Variants in AFF3 observed in about 807,000 individuals in gnomAD.
AFF3 encodes the protein ALF transcription elongation factor 3.
Under a neutral mutation model 129.7 loss-of-function variants are expected in AFF3, and 32 were observed. The ratio of observed to expected loss-of-function variants is 0.25; its 90% CI spans 0.19 to 0.33. The LOEUF is 0.33. AFF3 is among the 10% of genes least tolerant of loss of function. The pLI, the probability that AFF3 is intolerant of heterozygous loss-of-function variation, is 1.00. For missense variants in AFF3, 1,373 were observed against 1,592.0 expected (o/e 0.86, Z 2.34); for synonymous variants, 644 against 635.4 (o/e 1.01, Z -0.20).
At chr2:99,881,501 G>GA (rs1692714711) in intron 7 of AFF3, among the ~76,000 whole-genome samples, 1 of 149,436 alleles carries the variant, frequency 6.7e-6, no homozygotes, top group South Asian at 2.1e-4. Context: ...CTCAGTACTT[G>GA]AACACTTTAT....
intron 8 of AFF3, among the ~76,000 whole-genome samples, chr2:99,760,403 T>C (rs1575896444): frequency 1.3e-5 from 2 of 152,308 alleles, no homozygotes; most frequent in South Asian, 4.1e-4. Context: ...TCTGACAAAA[T>C]AATAGTCAGT....
intron 10 of AFF3, among the ~76,000 whole-genome samples, chr2:99,729,841 T>A (rs11888410): frequency 0.015 from 2,310 of 150,456 alleles, 53 homozygotes; most frequent in African/African-American, 0.054. Flanking sequence ...TCATGATGGA[T>A]ATTTCATGAT....
chr2:99,923,421 T>C (rs1346246827), intron 7 of AFF3, among the ~76,000 whole-genome samples: 1 of 152,244 alleles, frequency 6.6e-6, no homozygotes, highest in Admixed American at 6.5e-5. Context: ...AAAAAGGCTC[T>C]GGACTAAAGA....
intron 1 of AFF3, among the ~76,000 whole-genome samples, chr2:100,139,658 G>T (rs1333436651): frequency 6.6e-6 from 1 of 152,166 alleles, no homozygotes; most frequent in Non-Finnish European, 1.5e-5. Context: ...ATTTCACTTT[G>T]AAAGGAGCAT....
intron 12 of AFF3, among the ~76,000 whole-genome samples, chr2:99,653,551 AAC>A (rs1405330827): frequency 6.6e-6 from 1 of 152,234 alleles, no homozygotes; most frequent in African/African-American, 2.4e-5. Context: ...AAAAAGAAGA[AAC>A]ACTGCTGTCT....
chr2:99,890,061 GCTCT>G, intron 7 of AFF3, among the ~76,000 whole-genome samples: 1 of 152,298 alleles, frequency 6.6e-6, no homozygotes, highest in South Asian at 2.1e-4. Context: ...AAATAGGAGG[GCTCT>G]CTGTTTGGTC....
In AFF3 at chr2:100,008,796, A is replaced by G; in HGVS notation, c.174+16T>C. On this transcript the variant is annotated intron_variant, in intron 5 of 24. Coordinates refer to ENST00000672756, the MANE Select transcript of AFF3 (RefSeq NM_001386135.1). The stretch of plus-strand genomic sequence containing the variant: ...AACAAGTGAGAGGTAGAGATGAACA[A>G]CTGAAAACCATCTACCTTGTAGGGC... 6.2e-7 allele frequency: 1 copy of G among 1,612,324 alleles called. No individual in the cohort carries two copies. Among genetic ancestry groups the G allele is most frequent in the Non-Finnish European group, 8.5e-7 (1 of 1,179,222 alleles).
intron 11 of AFF3, among the ~76,000 whole-genome samples, chr2:99,694,885 A>G: frequency 6.6e-6 from 1 of 152,038 alleles, no homozygotes; most frequent in East Asian, 1.9e-4. Flanking sequence ...TTGTATTTTT[A>G]GTAGAGACAG....
intron 23 of AFF3, 42 bp downstream of exon 23, chr2:99,554,641 A>G (rs1009715650): frequency 1.2e-6 from 2 of 1,613,670 alleles, no homozygotes; most frequent in Admixed American, 3.3e-5. Flanking sequence ...AGCACCATGC[A>G]TTGTCTGGCT....
Position 99,732,228 on chromosome 2 carries a change from G to A in AFF3, c.1040-5100C>T, listed in dbSNP as rs867719856. ...AAATTAGCCAGGCGTGGTGGTGGGC[G>A]CCTGTAGTCCTAGCTACTCGGGAGG... On this transcript the variant is annotated intron_variant, in intron 10 of 24. Coordinates refer to ENST00000672756, the MANE Select transcript of AFF3 (RefSeq NM_001386135.1). 9.9e-5 allele frequency among the ~76,000 whole-genome samples: 15 copies of A among 152,044 alleles called. 1 individual carries two copies. The Middle Eastern group carries it at 0.014, about 139-fold the overall frequency.
chr2:99,670,380 A>G (rs1244438424), intron 12 of AFF3, among the ~76,000 whole-genome samples: 2 of 101,644 alleles, frequency 2.0e-5, no homozygotes, highest in African/African-American at 4.7e-5. Context: ...TAATGTCAGA[A>G]AAGGTTAAGG....
In AFF3 at chr2:99,691,106, T is replaced by C. The variant is rs376382948; in HGVS notation, c.1092-18517A>G. Among the ~76,000 whole-genome samples, 20 of 152,262 alleles carry C rather than the reference T, an allele frequency of 1.3e-4. 1 individual carries two copies. The South Asian group carries it at 1.7e-3, about 13-fold the overall frequency. On this transcript the variant is annotated intron_variant, in intron 11 of 24. Transcript: ENST00000672756. ...AACTGTTGACATTTCTGGCCTTGTC[T>C]CCTCTTCTCCCTCACCAAAATGATA...
rs183633275 is a variant in AFF3, at chr2:99,786,871, C to T, written c.922-34570G>A. Among the ~76,000 whole-genome samples, 197 of 152,176 alleles carry T rather than the reference C, an allele frequency of 1.3e-3. 1 individual carries two copies. The highest frequency in any genetic ancestry group is 2.6e-3 in the Non-Finnish European group (176 of 68,028). On this transcript the variant is annotated intron_variant, in intron 8 of 24. Coordinates refer to ENST00000672756, the MANE Select transcript of AFF3 (RefSeq NM_001386135.1). ...TTCCTGACACTTGGTCTCATTAGTA[C>T]GAGTATTTTTATTGATACACACAGT...
At chr2:99,580,543 C>G (rs1372765110) in intron 17 of AFF3, among the ~76,000 whole-genome samples, 1 of 152,174 alleles carries the variant, frequency 6.6e-6, no homozygotes, top group Non-Finnish European at 1.5e-5. Flanking sequence ...TGCCAAACAT[C>G]CTACGTTGCA....
intron 8 of AFF3, among the ~76,000 whole-genome samples, chr2:99,807,373 G>A (rs1411053366): frequency 1.3e-5 from 2 of 152,158 alleles, no homozygotes; most frequent in East Asian, 1.9e-4. Flanking sequence ...TGTACCTAAT[G>A]CATGAATTCC....
chr2:99,806,872 T>C (rs1686396572), intron 8 of AFF3, among the ~76,000 whole-genome samples: 1 of 152,208 alleles, frequency 6.6e-6, no homozygotes. Context: ...TTGTGTGTTT[T>C]GGTTTTGTTC....
chr2:100,044,057 CG>C (rs1559082575), intron 4 of AFF3, among the ~76,000 whole-genome samples: 1 of 152,198 alleles, frequency 6.6e-6, no homozygotes, highest in Non-Finnish European at 1.5e-5. Flanking sequence ...GAGCTCACCG[CG>C]GCAGTTTCCT....
chr2:99,877,045 G>C (rs1379618281), intron 7 of AFF3, among the ~76,000 whole-genome samples: 3 of 152,190 alleles, frequency 2.0e-5, no homozygotes, highest in African/African-American at 7.2e-5. Context: ...TACTAACGCT[G>C]AGGGAGAGAG....
intron 7 of AFF3, among the ~76,000 whole-genome samples, chr2:99,914,276 C>G (rs1250571861): frequency 1.3e-5 from 2 of 152,152 alleles, no homozygotes; most frequent in Non-Finnish European, 2.9e-5. Context: ...TGAATCTAAT[C>G]ATGATAAAAT....
Sources: allele counts gnomAD v4.1 joint callset (sites outside exome capture counted in the v4.1 genomes callset), GRCh38; gene constraint gnomAD v4.1.1; transcripts MANE v1.5; gene names NCBI Gene and HGNC (gene_info 2026-07-23, HGNC 2026-07-21).